Variants in ARID1B observed in about 807,000 individuals in gnomAD.
The protein encoded by ARID1B is AT-rich interaction domain 1B.
A neutral mutation model predicts 212.3 loss-of-function variants in ARID1B; 30 were observed. That is an observed-to-expected ratio of 0.14 (90% CI 0.11 to 0.19). The LOEUF (loss-of-function observed/expected upper bound fraction) is 0.19. ARID1B is among the 10% of genes least tolerant of loss of function. The pLI is 1.00. For missense variants in ARID1B, 2,891 were observed against 3,204.0 expected, an observed-to-expected ratio of 0.90 and a Z score of 2.36; for synonymous variants, 1,402 against 1,301.7, an observed-to-expected ratio of 1.08 and a Z score of -1.66.
At position 156,795,945 on chromosome 6, in the gene ARID1B, C is replaced by T. The variant is rs891373788; in HGVS notation, c.1791+16474C>T. ...GGGTGTAAGTTAAATTTCACGTAAG[C>T]GGTCCTGCTGGGGTTCCTGCGCGGT... is the stretch of plus-strand genomic sequence containing the variant. On this transcript the variant is annotated intron_variant, in intron 1 of 19. Coordinates refer to ENST00000636930, the MANE Select transcript of ARID1B (RefSeq NM_001374828.1). Among the ~76,000 whole-genome samples, 7 of 152,238 alleles carry T rather than the reference C, an allele frequency of 4.6e-5. No homozygotes were observed. The East Asian group carries it at 5.8e-4, about 13-fold the overall frequency.
chr6:156,828,443 C>T (rs988730552), intron 1 of ARID1B, among the ~76,000 whole-genome samples: 8 of 152,160 alleles, frequency 5.3e-5, no homozygotes, highest in East Asian at 1.9e-4. Context: ...ACTGTAGCAC[C>T]GGGTGAGGGC....
intron 4 of ARID1B, among the ~76,000 whole-genome samples, chr6:157,026,072 C>T (rs528179656): frequency 4.5e-4 from 69 of 152,162 alleles, no homozygotes; most frequent in Middle Eastern, 6.8e-3. Context: ...TTACAGGCAC[C>T]CGCCACCATG....
intron 8 of ARID1B, among the ~76,000 whole-genome samples, chr6:157,157,188 C>T (rs753180676): frequency 2.3e-4 from 35 of 152,266 alleles, no homozygotes; most frequent in Non-Finnish European, 4.0e-4. Flanking sequence ...CACCGTGACT[C>T]GCGCACCACT....
In ARID1B at chr6:157,079,762, C is replaced by G. The variant is rs147308060; in HGVS notation, c.2248-4900C>G. 4.9e-3 allele frequency among the ~76,000 whole-genome samples: 742 copies of G among 152,190 alleles called. 5 individuals are homozygous for G. Among genetic ancestry groups the G allele is most frequent in the African/African-American group, 0.017 (704 of 41,506 alleles). ...GAGCTTATAAATTTAGTGATATTTACCGATGAACAATCATATCCATTTTGT... is the reference window on the plus strand; with the variant it reads ...GAGCTTATAAATTTAGTGATATTTAGCGATGAACAATCATATCCATTTTGT... On this transcript the variant is annotated intron_variant, in intron 4 of 19. Transcript: ENST00000636930.
intron 1 of ARID1B, 166 bp downstream of exon 1, chr6:156,779,637 G>A: frequency 6.3e-6 from 4 of 637,678 alleles, no homozygotes; most frequent in South Asian, 7.3e-5. Context: ...CGCGGTCGGG[G>A]CGCCCCGGGG....
intron 1 of ARID1B, among the ~76,000 whole-genome samples, chr6:156,809,068 A>T (rs1781382055): frequency 6.6e-6 from 1 of 152,256 alleles, no homozygotes; most frequent in Admixed American, 6.5e-5. Flanking sequence ...AAAGTAAAAC[A>T]TCAATAACCT....
At chr6:156,974,114 T>G (rs1432159158) in intron 4 of ARID1B, among the ~76,000 whole-genome samples, 3 of 152,190 alleles carry the variant, frequency 2.0e-5, no homozygotes, top group Non-Finnish European at 4.4e-5. Context: ...GTAGTTTAGT[T>G]TTGGATTTTG....
intron 4 of ARID1B, among the ~76,000 whole-genome samples, chr6:156,950,963 G>C (rs1793539810): frequency 6.6e-6 from 1 of 151,616 alleles, no homozygotes; most frequent in Admixed American, 6.6e-5. Context: ...AAAATACTCT[G>C]GTATTTTAAT....
chr6:157,119,349 C>T (rs565577519), intron 6 of ARID1B, among the ~76,000 whole-genome samples: 38 of 152,326 alleles, frequency 2.5e-4, no homozygotes, highest in African/African-American at 8.9e-4. Flanking sequence ...AGTCACTTGC[C>T]TGTGCCTTGG....
At chr6:156,874,846 C>G (rs2063714) in intron 2 of ARID1B, among the ~76,000 whole-genome samples, 72,325 of 151,880 alleles carry the variant, frequency 0.48, 17,876 homozygotes, top group African/African-American at 0.63. Flanking sequence ...GTGCCTTAAG[C>G]GTATCTCTTT....
intron 4 of ARID1B, among the ~76,000 whole-genome samples, chr6:156,966,363 A>C (rs1056322141): frequency 6.7e-6 from 1 of 150,254 alleles, no homozygotes; most frequent in African/African-American, 2.5e-5. Flanking sequence ...CAATACAGAC[A>C]TAAATAACTT....
chr6:157,024,364 A>T (rs1407341696), intron 4 of ARID1B: 1 of 152,262 alleles, frequency 6.6e-6, no homozygotes, highest in African/African-American at 2.4e-5. Context: ...TTTTTGTTTA[A>T]AAAGCAGATT....
chr6:156,940,789 T>C (rs1024516264), intron 4 of ARID1B: 11 of 152,192 alleles, frequency 7.2e-5, no homozygotes, highest in African/African-American at 2.7e-4. Flanking sequence ...CTGTGAATGA[T>C]TGGAAACTAC....
chr6:157,161,618 G>A (rs1237526870), intron 8 of ARID1B, among the ~76,000 whole-genome samples: 1 of 152,090 alleles, frequency 6.6e-6, no homozygotes, highest in Non-Finnish European at 1.5e-5. Flanking sequence ...AGAAGAGTTT[G>A]TGTTTATAAA....
At chr6:157,137,271 A>G (rs1788991720) in intron 7 of ARID1B, among the ~76,000 whole-genome samples, 2 of 152,234 alleles carry the variant, frequency 1.3e-5, no homozygotes, top group South Asian at 4.1e-4. Context: ...ATTTTTAAAT[A>G]AATGAAGCCA....
chr6:156,837,531 T>C (rs1360741821), intron 2 of ARID1B, among the ~76,000 whole-genome samples: 2 of 152,238 alleles, frequency 1.3e-5, no homozygotes, highest in African/African-American at 4.8e-5. Context: ...GTAAAAAGTT[T>C]TTCTTTTATG....
rs576638766 is a variant in ARID1B at position 157,038,177 on chromosome 6, A to G, written c.2248-46485A>G. 5.3e-5 allele frequency among the ~76,000 whole-genome samples: 8 copies of G among 152,240 alleles called. No individual in the cohort carries two copies. The East Asian group carries it at 1.5e-3, about 29-fold the overall frequency. On this transcript the variant is annotated intron_variant, in intron 4 of 19. Coordinates refer to ENST00000636930, the MANE Select transcript of ARID1B (RefSeq NM_001374828.1). ...GAGAACTCTGATTTCATTTTCATAT[A>G]GAGGTGTAGAAGTATAGGGTAGGTG...
chr6:157,180,368 T>TAA (rs1031751728), intron 11 of ARID1B, among the ~76,000 whole-genome samples: 1 of 131,494 alleles, frequency 7.6e-6, no homozygotes, highest in Admixed American at 7.7e-5. Context: ...TTAGTTTATC[T>TAA]AAAAAAAAAA....
At chr6:157,007,190 C>T (rs1450622603) in intron 4 of ARID1B, among the ~76,000 whole-genome samples, 1 of 152,194 alleles carries the variant, frequency 6.6e-6, no homozygotes, top group African/African-American at 2.4e-5. Context: ...CCGCACATGC[C>T]TTCAAATGGA....
Sources: gnomAD v4.1 joint callset for allele counts (sites outside exome capture counted in the v4.1 genomes callset) on GRCh38, gnomAD v4.1.1 for gene constraint, MANE v1.5 for transcripts, NCBI Gene and HGNC (gene_info 2026-07-23, HGNC 2026-07-21) for gene names.